Variants in MCTP1 observed in about 807,000 individuals in gnomAD.
MCTP1 encodes multiple C2 and transmembrane domain containing 1.
In MCTP1, 69 loss-of-function variants were observed where a neutral mutation model predicts 120.6. The ratio of observed to expected loss-of-function variants is 0.57; its 90% CI spans 0.47 to 0.70. MCTP1 has a LOEUF of 0.70. Among genes scored for constraint, MCTP1 ranks in the 30% least tolerant of loss-of-function variants. The pLI, the probability that MCTP1 is intolerant of heterozygous loss-of-function variation, is 0.00. For missense variants in MCTP1, 1,203 were observed against 1,248.8 expected (o/e 0.96, Z 0.55); for synonymous variants, 529 against 493.1 (o/e 1.07, Z -0.96).
At chr5:95,145,014 A>G (rs1760265085) in intron 1 of MCTP1, among the ~76,000 whole-genome samples, 1 of 152,126 alleles carries the variant, frequency 6.6e-6, no homozygotes, top group African/African-American at 2.4e-5. Context: ...AATGATATTG[A>G]TTCTTCTAAT....
At chr5:94,837,496 C>T (rs1407572808) in intron 17 of MCTP1, among the ~76,000 whole-genome samples, 4 of 152,156 alleles carry the variant, frequency 2.6e-5, no homozygotes, top group African/African-American at 9.7e-5. Flanking sequence ...TCCTCTGCCC[C>T]TTGGTCTCTT....
At chr5:95,223,088 T>C (rs1042282131) in intron 1 of MCTP1, among the ~76,000 whole-genome samples, 11 of 152,202 alleles carry the variant, frequency 7.2e-5, no homozygotes, top group African/African-American at 2.7e-4. Context: ...TCCACTTACT[T>C]ACTTATTTAC....
intron 17 of MCTP1, among the ~76,000 whole-genome samples, chr5:94,827,240 C>A (rs1006465715): frequency 6.6e-6 from 1 of 152,122 alleles, no homozygotes; most frequent in Non-Finnish European, 1.5e-5. Flanking sequence ...CTAAGTTTGG[C>A]TGGATATGAA....
chr5:95,009,698 T>C (rs1835535046), intron 2 of MCTP1, among the ~76,000 whole-genome samples: 3 of 152,124 alleles, frequency 2.0e-5, no homozygotes, highest in Admixed American at 6.6e-5. Context: ...AGCAGGGAAA[T>C]TGTGTATCTT....
chr5:95,144,386 G>A (rs563981185), intron 1 of MCTP1, among the ~76,000 whole-genome samples: 8 of 152,128 alleles, frequency 5.3e-5, no homozygotes, highest in South Asian at 2.1e-4. Context: ...ATTTCTTTGG[G>A]TGTGCAAATG....
rs76841990 is a variant in MCTP1 at position 95,234,660 on chromosome 5, A to G, written c.720+49196T>C. On this transcript the variant is annotated intron_variant, in intron 1 of 22. Coordinates refer to ENST00000515393, the MANE Select transcript of MCTP1 (RefSeq NM_024717.7). ...TAGATATTTAAAACTTATCCGTGAC[A>G]TTATTACACATTCTATAAATATTAA... 5.3e-3 allele frequency among the ~76,000 whole-genome samples: 811 copies of G among 152,330 alleles called. 8 individuals carry two copies. Among genetic ancestry groups the G allele is most frequent in the Non-Finnish European group, 8.5e-3 (579 of 68,010 alleles).
chr5:95,230,179 CAT>C (rs534997039), intron 1 of MCTP1, among the ~76,000 whole-genome samples: 7 of 113,652 alleles, frequency 6.2e-5, no homozygotes, highest in South Asian at 2.7e-4. Context: ...TATACACATA[CAT>C]ATATGTGTGT....
rs1452880065 is a variant in MCTP1, at chr5:94,954,171, T to TATATATACAA, written c.839-811_839-810insTTGTATATAT. ...ACATATATATATGCATATATATACA[T>TATATATACAA]ATATATATATGCATATATATATATA... On this transcript the variant is annotated intron_variant, in intron 2 of 22. Transcript: ENST00000515393. 5.3e-5 allele frequency among the ~76,000 whole-genome samples: 2 copies of TATATATACAA among 37,978 alleles called. 1 individual carries two copies. The highest frequency in any genetic ancestry group is 3.2e-4 in the African/African-American group (2 of 6,188). 24.9% of individuals were successfully genotyped at this position (37,978 alleles called of 152,430 possible).
intron 17 of MCTP1, among the ~76,000 whole-genome samples, chr5:94,863,828 T>C (rs1796277458): frequency 6.6e-6 from 1 of 151,830 alleles, no homozygotes; most frequent in South Asian, 2.1e-4. Context: ...CTCCACTTTT[T>C]TTTTTTTAAT....
At chr5:94,709,816 A>G (rs1211555603) in intron 21 of MCTP1, 1 of 152,124 alleles carries the variant, frequency 6.6e-6, no homozygotes, top group African/African-American at 2.4e-5. Flanking sequence ...AATAAGGGGT[A>G]AGAGGGCTTC....
intron 19 of MCTP1, among the ~76,000 whole-genome samples, chr5:94,749,577 C>T (rs1452634105): frequency 1.4e-5 from 2 of 140,662 alleles, no homozygotes; most frequent in South Asian, 2.3e-4. Context: ...ATCACTTGAA[C>T]CTGGGAAGTG....
At chr5:95,271,747 A>T (rs456777) in intron 1 of MCTP1, among the ~76,000 whole-genome samples, 131,898 of 151,326 alleles carry the variant, frequency 0.87, 57,787 homozygotes, top group African/African-American at 0.97. Flanking sequence ...GTTATAATTA[A>T]TTACAAAACA....
chr5:94,804,821 G>C (rs891786846), intron 17 of MCTP1, among the ~76,000 whole-genome samples: 1 of 152,132 alleles, frequency 6.6e-6, no homozygotes, highest in Admixed American at 6.5e-5. Context: ...ATTGCTCTTT[G>C]AGCAGTTGTA....
intron 1 of MCTP1, among the ~76,000 whole-genome samples, chr5:95,147,941 T>G (rs929924269): frequency 6.6e-6 from 1 of 152,216 alleles, no homozygotes; most frequent in Admixed American, 6.5e-5. Context: ...AGAATTTTAT[T>G]TCTCCTTTGC....
chr5:95,158,592 T>G (rs774854614), intron 1 of MCTP1, among the ~76,000 whole-genome samples: 2 of 152,218 alleles, frequency 1.3e-5, no homozygotes, highest in Non-Finnish European at 2.9e-5. Flanking sequence ...TTAACTCACT[T>G]AAATAGCATC....
At chr5:94,907,105 C>T (rs558727483) in intron 10 of MCTP1, among the ~76,000 whole-genome samples, 1 of 152,250 alleles carries the variant, frequency 6.6e-6, no homozygotes, top group South Asian at 2.1e-4. Context: ...AATAAAGAAA[C>T]ACAACTTGCC....
At chr5:95,270,555 A>T (rs1759288646) in intron 1 of MCTP1, among the ~76,000 whole-genome samples, 1 of 140,630 alleles carries the variant, frequency 7.1e-6, no homozygotes, top group East Asian at 2.1e-4. Context: ...AGATGGCACA[A>T]CTGAGCAGAG....
chr5:95,005,162 T>G (rs1374111192), intron 2 of MCTP1, among the ~76,000 whole-genome samples: 1 of 152,182 alleles, frequency 6.6e-6, no homozygotes, highest in Admixed American at 6.5e-5. Context: ...TCAGAATTTC[T>G]TGGGTCCTGT....
intron 19 of MCTP1, among the ~76,000 whole-genome samples, chr5:94,763,353 A>G (rs192757320): frequency 6.6e-6 from 1 of 152,240 alleles, no homozygotes; most frequent in Non-Finnish European, 1.5e-5. Flanking sequence ...TTAAATGTAG[A>G]TTTCTAGTGT....
Sources: gnomAD v4.1 joint callset for allele counts (sites outside exome capture counted in the v4.1 genomes callset) on GRCh38, gnomAD v4.1.1 for gene constraint, MANE v1.5 for transcripts, NCBI Gene and HGNC (gene_info 2026-07-23, HGNC 2026-07-21) for gene names.